Variants in TNRC18 observed in about 807,000 individuals in gnomAD.
The protein encoded by TNRC18 is trinucleotide repeat containing 18, also known as trinucleotide repeat-containing gene 18 protein.
Under a neutral mutation model 226.7 loss-of-function variants are expected in TNRC18, and 69 were observed. The observed-to-expected ratio is 0.30, with a 90% CI of 0.25 to 0.37. TNRC18 has a LOEUF of 0.37. Ranked by LOEUF, TNRC18 falls within the 10% of genes least tolerant of loss-of-function variation. The pLI is 1.00. For missense variants in TNRC18, 4,754 were observed against 4,256.6 expected (o/e 1.12, Z -3.25); for synonymous variants, 2,449 against 1,927.6 (o/e 1.27, Z -7.09).
chr7:5,419,012 GTCC>G (rs1782368782), intron 2 of TNRC18, among the ~76,000 whole-genome samples: 1 of 152,248 alleles, frequency 6.6e-6, no homozygotes, highest in African/African-American at 2.4e-5. Flanking sequence ...GGCGGCAGCT[GTCC>G]TCCTGCTGTT....
chr7:5,411,461 T>C (rs1386575034), intron 2 of TNRC18, among the ~76,000 whole-genome samples: 1 of 134,996 alleles, frequency 7.4e-6, no homozygotes, highest in Non-Finnish European at 1.5e-5. Flanking sequence ...GAGGTTGCAG[T>C]GAGCCAAGAT....
intron 18 of TNRC18, among the ~76,000 whole-genome samples, chr7:5,344,053 C>G (rs1310163633): frequency 2.6e-5 from 4 of 152,222 alleles, no homozygotes; most frequent in African/African-American, 9.6e-5. Flanking sequence ...AAGGAGACAT[C>G]ACTACAGACC....
chr7:5,405,818 T>C (rs1259200070), intron 2 of TNRC18, among the ~76,000 whole-genome samples: 2 of 151,568 alleles, frequency 1.3e-5, no homozygotes, highest in Non-Finnish European at 2.9e-5. Flanking sequence ...AATCCCAACA[T>C]TTTGAGAAGC....
In TNRC18 at chr7:5,389,205, T is replaced by C; in HGVS notation, c.619A>G (p.Lys207Glu). The change falls in exon 5 of 30, where the codon AAG becomes GAG. Residue 207 changes from lysine to glutamate, a missense_variant. Coordinates refer to ENST00000430969, the MANE Select transcript of TNRC18 (RefSeq NM_001080495.3). ...KGSSSRDGPA[K>E]ERAGRGGEPP... Reference sequence around the variant, plus strand: ...TCCCCGCCGCGGCCCGCCCGCTCCTTGGCTGGACCGTCCCGCGACGACGAG... The same window carrying C: ...TCCCCGCCGCGGCCCGCCCGCTCCTCGGCTGGACCGTCCCGCGACGACGAG... 7.4e-7 allele frequency: 1 copy of C among 1,343,024 alleles called. No individual in the cohort carries two copies. Among genetic ancestry groups the C allele is most frequent in the Non-Finnish European group, 9.5e-7 (1 of 1,049,564 alleles). 83.2% of individuals were successfully genotyped at this position (1,343,024 alleles called of 1,614,324 possible).
At chr7:5,359,317 C>T (rs1415195630) in intron 15 of TNRC18, 81 bp downstream of exon 15, 38 of 1,451,388 alleles carry the variant, frequency 2.6e-5, no homozygotes, top group Non-Finnish European at 3.2e-5. Context: ...AAAGGGCCTG[C>T]GAAGGGAGCG....
intron 18 of TNRC18, among the ~76,000 whole-genome samples, chr7:5,343,086 G>A (rs1233945552): frequency 1.3e-5 from 2 of 152,186 alleles, no homozygotes; most frequent in African/African-American, 2.4e-5. Flanking sequence ...AGGCGCGGTG[G>A]CTCACACCTG....
rs764258151 is a variant in TNRC18 at position 5,377,933 on chromosome 7, C to T, written c.2244G>A (p.Glu748=). The part of the protein sequence containing the change: ...LLGARLDRDQ[E]KLLRESKELA... ...CCCGACACCCTCACCTGAGCAGCTT[C>T]TCCTGATCCCGGTCCAGCCGTGCCC... The change falls in exon 6 of 30, where the codon GAG becomes GAA. Residue 748 remains glutamate, a synonymous_variant. Transcript: ENST00000430969. The surrounding 1 kb of genome is among the most constrained non-coding windows in gnomAD (Gnocchi z 5.8). 1.2e-6 allele frequency: 2 copies of T among 1,613,702 alleles called. No homozygotes were observed. The highest frequency in any genetic ancestry group is 1.3e-5 in the African/African-American group (1 of 75,008).
At chr7:5,393,627 G>A (rs1170509803) in intron 3 of TNRC18, among the ~76,000 whole-genome samples, 2 of 152,168 alleles carry the variant, frequency 1.3e-5, no homozygotes, top group Non-Finnish European at 2.9e-5. Context: ...AAGGAGGAAG[G>A]AGGGAGGAGG....
chr7:5,327,346 G>A (rs1428313832), intron 19 of TNRC18, among the ~76,000 whole-genome samples: 5 of 151,590 alleles, frequency 3.3e-5, no homozygotes, highest in Non-Finnish European at 5.9e-5. Flanking sequence ...TTTTGGGGGG[G>A]AAAAATATAT....
chr7:5,348,659 GGAGGGAGGGAGGCAGGAGCCAGAGGGA>G (rs1162969919), intron 17 of TNRC18, among the ~76,000 whole-genome samples: 54 of 152,060 alleles, frequency 3.6e-4, no homozygotes, highest in Middle Eastern at 3.4e-3. Flanking sequence ...AGGGAGGGAG[GGAGGGAGGGAGGCAGGAGCCAGAGGGA>G]GAGGGAGGAG....
At chr7:5,332,295 C>G (rs1412446775) in intron 19 of TNRC18, among the ~76,000 whole-genome samples, 3 of 152,110 alleles carry the variant, frequency 2.0e-5, no homozygotes, top group Non-Finnish European at 4.4e-5. Context: ...TAGCCAGGTG[C>G]AGTGACATGT....
chr7:5,339,239 T>TG lies in TNRC18; in HGVS notation c.5720-6191_5720-6190insC, dbSNP rs1221506601. On this transcript the variant is annotated intron_variant, in intron 18 of 29. Transcript: ENST00000430969. ...TGTTTCTTTTTTTTTCTTTTTTTTT[T>TG]TGTGTTTTTTTGTTTTTTGAGATGG... is the stretch of plus-strand genomic sequence containing the variant. 3.8e-4 allele frequency among the ~76,000 whole-genome samples: 57 copies of TG among 151,688 alleles called. No individual in the cohort carries two copies. In the East Asian group the frequency reaches 5.8e-3, roughly 16 times the overall value.
At chr7:5,400,911 T>C (rs932556813) in intron 2 of TNRC18, among the ~76,000 whole-genome samples, 1 of 152,088 alleles carries the variant, frequency 6.6e-6, no homozygotes. Context: ...GGTGTGGTGG[T>C]GCACGCCTGT....
At chr7:5,366,211 C>T (rs1028963500) in intron 11 of TNRC18, among the ~76,000 whole-genome samples, 3 of 151,028 alleles carry the variant, frequency 2.0e-5, no homozygotes, top group African/African-American at 7.3e-5. Flanking sequence ...CACTAGATGG[C>T]AGTAGTGCTC....
intron 16 of TNRC18, among the ~76,000 whole-genome samples, chr7:5,353,534 T>C (rs931141325): frequency 8.0e-6 from 1 of 124,602 alleles, no homozygotes; most frequent in African/African-American, 3.2e-5. Context: ...CACTCCAGCC[T>C]GGGCGACAGA....
chr7:5,384,091 A>G (rs1170593954), intron 5 of TNRC18, among the ~76,000 whole-genome samples: 1 of 151,140 alleles, frequency 6.6e-6, no homozygotes, highest in East Asian at 2.0e-4. Flanking sequence ...CAGCCTCTCA[A>G]GTAGCTGGGA....
chr7:5,332,630 G>A lies in TNRC18; in HGVS notation c.6139C>T (p.Pro2047Ser). The change falls in exon 19 of 30, where the codon CCC (proline) becomes TCC (serine). Residue 2047 changes from proline to serine, a missense_variant. Transcript: ENST00000430969. ...DAGRAKDRKD[P>S]RKKKKGKEAG... ...CCCAGCGCGGCCCCTACCTTCCTGG[G>A]GTCCTTCCTGTCCTTTGCACGCCCG... 3.9e-6 allele frequency: 6 copies of A among 1,527,398 alleles called. No individual in the cohort carries two copies. Among genetic ancestry groups the A allele is most frequent in the African/African-American group, 1.4e-5 (1 of 70,078 alleles). The allele number at this position is 1,527,398 out of a possible 1,614,324, so 94.6% of individuals were successfully genotyped here. A position where few individuals can be genotyped will look rare whatever the true frequency, so the allele number is the denominator to read the frequency against.
chr7:5,419,585 C>T (rs1782413418), intron 2 of TNRC18, among the ~76,000 whole-genome samples: 1 of 152,242 alleles, frequency 6.6e-6, no homozygotes, highest in South Asian at 2.1e-4. Context: ...GCCCCTCCCT[C>T]GCCACAACAC....
intron 2 of TNRC18, among the ~76,000 whole-genome samples, chr7:5,403,279 G>C (rs1781236393): frequency 6.6e-6 from 1 of 151,722 alleles, no homozygotes; most frequent in Non-Finnish European, 1.5e-5. Flanking sequence ...TCCTGCCTCA[G>C]CCTCCCGAGT....
Sources: allele counts gnomAD v4.1 joint callset (sites outside exome capture counted in the v4.1 genomes callset), GRCh38; gene constraint gnomAD v4.1.1; non-coding constraint Gnocchi (gnomAD v3.1); transcripts MANE v1.5; gene names NCBI Gene and HGNC (gene_info 2026-07-23, HGNC 2026-07-21).